Variants in SYNE1 observed in about 807,000 individuals in gnomAD.
SYNE1 encodes the protein nesprin-1.
Under a neutral mutation model 1,111.0 loss-of-function variants are expected in SYNE1, and 616 were observed. The observed-to-expected ratio is 0.55, with a 90% confidence interval of 0.52 to 0.59. The LOEUF is 0.59. Ranked by LOEUF, SYNE1 falls within the 20% of genes least tolerant of loss-of-function variation. The probability of loss-of-function intolerance (pLI) is 0.00; values close to 1 mark genes in which losing one functional copy is unlikely to be tolerated. For missense variants in SYNE1, 10,006 were observed against 10,417.0 expected (o/e 0.96, Z 1.72); for synonymous variants, 3,855 against 3,825.8 (o/e 1.01, Z -0.28).
intron 124 of SYNE1, among the ~76,000 whole-genome samples, chr6:152,208,416 G>C (rs1268939437): frequency 6.6e-6 from 1 of 152,152 alleles, no homozygotes; most frequent in Non-Finnish European, 1.5e-5. Flanking sequence ...CAAATGGTGA[G>C]TGTTTTCATG....
intron 130 of SYNE1, among the ~76,000 whole-genome samples, chr6:152,172,418 T>A (rs1277794467): frequency 6.6e-6 from 1 of 152,088 alleles, no homozygotes; most frequent in Non-Finnish European, 1.5e-5. Flanking sequence ...TTTGCCTTGG[T>A]GATGGGGATT....
chr6:152,223,885 G>C (rs1419463677), intron 117 of SYNE1, among the ~76,000 whole-genome samples: 1 of 152,160 alleles, frequency 6.6e-6, no homozygotes, highest in Non-Finnish European at 1.5e-5. Flanking sequence ...ACAGGAGAGT[G>C]GGGGCAGCAG....
intron 66 of SYNE1, among the ~76,000 whole-genome samples, chr6:152,356,695 T>C (rs1261361322): frequency 2.0e-5 from 3 of 152,148 alleles, no homozygotes; most frequent in African/African-American, 7.2e-5. Flanking sequence ...AATTCTGCTT[T>C]GTGGTTGCAG....
At chr6:152,184,451 A>G (rs1460896780) in intron 128 of SYNE1, among the ~76,000 whole-genome samples, 1 of 151,788 alleles carries the variant, frequency 6.6e-6, no homozygotes, top group African/African-American at 2.4e-5. Flanking sequence ...AAAAAAAAAA[A>G]AAAAAGAAAG....
At position 152,450,873 on chromosome 6, in the gene SYNE1, C is replaced by T. The variant is rs1554723488; in HGVS notation, c.3187-40G>A. The T allele has an allele frequency of 4.4e-6, 7 of 1,599,046 alleles. No individual in the cohort carries two copies. The Admixed American group carries it at 1.2e-4, about 27-fold the overall frequency. On this transcript the variant is annotated intron_variant, in intron 26 of 145. Transcript: ENST00000367255. ...ATGTTTTTATAATCCCTGTGAGAAG[C>T]CACACAGTACTTCTACATTTTCACA...
intron 87 of SYNE1, chr6:152,311,204 A>T (rs1281771440): frequency 3.1e-6 from 1 of 325,994 alleles, no homozygotes; most frequent in Non-Finnish European, 5.8e-6. Flanking sequence ...ACCCAAACAT[A>T]CTAGGTGTCT....
chr6:152,561,236 A>C (rs1318019325), intron 3 of SYNE1, among the ~76,000 whole-genome samples: 1 of 152,220 alleles, frequency 6.6e-6, no homozygotes, highest in Non-Finnish European at 1.5e-5. Context: ...CAAAATTAAC[A>C]AACAAAATTC....
At position 152,310,035 on chromosome 6, in the gene SYNE1, T is replaced by C. The variant is rs1340961679; in HGVS notation, c.17020-18A>G. On this transcript the variant is annotated intron_variant, in intron 89 of 145. Transcript: ENST00000367255. The stretch of plus-strand genomic sequence containing the variant: ...AACAAATGCTGAAAATGCAATTTCA[T>C]AGTTCAAAAATTTAATATTTAAATC... 6.2e-7 allele frequency: 1 copy of C among 1,609,906 alleles called. No individual in the cohort carries two copies. Among genetic ancestry groups the C allele is most frequent in the Non-Finnish European group, 8.5e-7 (1 of 1,178,744 alleles).
chr6:152,532,405 C>A (rs1178062720), intron 4 of SYNE1, among the ~76,000 whole-genome samples: 1 of 152,052 alleles, frequency 6.6e-6, no homozygotes, highest in East Asian at 1.9e-4. Flanking sequence ...AAAAAAGCTA[C>A]AATATTTTAC....
chr6:152,139,922 C>T lies in SYNE1; in HGVS notation c.25458+28G>A, dbSNP rs200329654. 448 of 1,602,460 alleles carry T rather than the reference C, an allele frequency of 2.8e-4. 1 individual carries two copies. In the African/African-American group the frequency reaches 5.1e-3, roughly 18 times the overall value. On this transcript the variant is annotated intron_variant, in intron 140 of 145. Transcript: ENST00000367255. ...TTCACGCGGTGGCTCTCTGTTTGTC[C>T]GCCGTGGGAAAGGCAAGGGGCAGCT...
At chr6:152,499,129 A>G (rs73006971) in intron 10 of SYNE1, among the ~76,000 whole-genome samples, 8 of 152,258 alleles carry the variant, frequency 5.3e-5, no homozygotes, top group Non-Finnish European at 1.0e-4. Flanking sequence ...TACTTTCCCT[A>G]TAAATATACA....
chr6:152,256,889 A>G (rs1393301031), intron 101 of SYNE1, 124 bp from the exon 102 acceptor site: 7 of 1,432,830 alleles, frequency 4.9e-6, no homozygotes, highest in Middle Eastern at 2.2e-4. Flanking sequence ...TTCTAGAGAA[A>G]TATAACTTCT....
chr6:152,461,373 A>T (rs2098733231), intron 21 of SYNE1, among the ~76,000 whole-genome samples: 1 of 152,156 alleles, frequency 6.6e-6, no homozygotes, highest in South Asian at 2.1e-4. Context: ...TTCTATTAAA[A>T]TATAGCTATA....
Position 152,136,907 on chromosome 6 carries a change from A to G in SYNE1, c.25459-89T>C. The G allele has an allele frequency of 9.5e-6, 14 of 1,471,180 alleles. No individual in the cohort carries two copies. In the South Asian group the frequency reaches 1.5e-4, roughly 16 times the overall value. 91.1% of individuals were successfully genotyped at this position (1,471,180 alleles called of 1,614,324 possible). The stretch of plus-strand genomic sequence containing the variant: ...ATGTTTCACATGAATGAAAAGATCC[A>G]TTAATTTAAACTGGCCTTAACAGGA... On this transcript the variant is annotated intron_variant, in intron 140 of 145. Coordinates refer to ENST00000367255, the MANE Select transcript of SYNE1 (RefSeq NM_182961.4).
intron 3 of SYNE1, among the ~76,000 whole-genome samples, chr6:152,544,146 C>G (rs1293701756): frequency 2.0e-5 from 3 of 152,264 alleles, no homozygotes; most frequent in Non-Finnish European, 1.5e-5. Flanking sequence ...GCAAAGGCAT[C>G]GTAAAATGGA....
At chr6:152,521,877 T>C (rs1368882270) in intron 5 of SYNE1, among the ~76,000 whole-genome samples, 1 of 152,170 alleles carries the variant, frequency 6.6e-6, no homozygotes, top group Non-Finnish European at 1.5e-5. Context: ...TAGCAATCTT[T>C]TATTGTCAAT....
rs769918744 is a variant in SYNE1, at chr6:152,628,260, C to G, written c.67+5G>C. ...TTTTTAAAACCTGAAATTTCTTCCC[C>G]CTACCTTGCAGCCTCTGCATCACAT... On this transcript the variant is annotated splice_donor_5th_base_variant and intron_variant, in intron 3 of 145. Coordinates refer to ENST00000367255, the MANE Select transcript of SYNE1 (RefSeq NM_182961.4). 6 of 1,614,050 alleles carry G rather than the reference C, an allele frequency of 3.7e-6. No individual in the cohort carries two copies. In the Admixed American group the frequency reaches 8.3e-5, roughly 22 times the overall value.
At chr6:152,565,623 T>C (rs1335465945) in intron 3 of SYNE1, among the ~76,000 whole-genome samples, 1 of 151,892 alleles carries the variant, frequency 6.6e-6, no homozygotes, top group Non-Finnish European at 1.5e-5. Flanking sequence ...AAACTTTACT[T>C]CGCTTTAAAA....
At chr6:152,619,117 A>C (rs893805414) in intron 3 of SYNE1, among the ~76,000 whole-genome samples, 2 of 152,150 alleles carry the variant, frequency 1.3e-5, no homozygotes, top group Non-Finnish European at 2.9e-5. Context: ...AATATAAAAG[A>C]GAATAATAAT....
Sources: allele counts gnomAD v4.1 joint callset (sites outside exome capture counted in the v4.1 genomes callset), GRCh38; gene constraint gnomAD v4.1.1; transcripts MANE v1.5; gene names NCBI Gene and HGNC (gene_info 2026-07-23, HGNC 2026-07-21).